FBXL4: variants seen among roughly 807,000 people sequenced by gnomAD.
FBXL4 encodes F-box/LRR-repeat protein 4.
Under a neutral mutation model 58.9 loss-of-function variants are expected in FBXL4, and 40 were observed. The observed-to-expected ratio is 0.68, with a 90% CI of 0.53 to 0.88. FBXL4 has a LOEUF of 0.88. Ranked by LOEUF, FBXL4 falls within the 40% of genes least tolerant of loss-of-function variation. The pLI, the probability that FBXL4 is intolerant of heterozygous loss-of-function variation, is 0.00. For synonymous variants in FBXL4, 263 were observed against 265.5 expected (o/e 0.99, Z 0.09); for missense variants, 676 against 734.4 (o/e 0.92, Z 0.92).
intron 4 of FBXL4, among the ~76,000 whole-genome samples, chr6:98,918,970 T>C (rs953435004): frequency 1.3e-5 from 2 of 152,030 alleles, no homozygotes; most frequent in South Asian, 2.1e-4. Context: ...CACCAATAAA[T>C]TGTTCGTTTA....
At chr6:98,915,113 G>A (rs1772282917) in intron 5 of FBXL4, among the ~76,000 whole-genome samples, 1 of 152,148 alleles carries the variant, frequency 6.6e-6, no homozygotes, top group African/African-American at 2.4e-5. Flanking sequence ...AACTTACAAG[G>A]GACGTGAAGG....
chr6:98,947,051 T>C (rs904409384), intron 1 of FBXL4, among the ~76,000 whole-genome samples: 1 of 152,242 alleles, frequency 6.6e-6, no homozygotes, highest in Admixed American at 6.5e-5. Context: ...GGTGGTAATG[T>C]GCCCTCCGGA....
chr6:98,937,483 G>A (rs192839619), intron 1 of FBXL4, among the ~76,000 whole-genome samples: 1 of 152,256 alleles, frequency 6.6e-6, no homozygotes, highest in Non-Finnish European at 1.5e-5. Flanking sequence ...ATAAGGAAGA[G>A]AAAATATATT....
At chr6:98,930,386 A>G (rs967424183) in intron 2 of FBXL4, among the ~76,000 whole-genome samples, 4 of 152,324 alleles carry the variant, frequency 2.6e-5, no homozygotes, top group Non-Finnish European at 4.4e-5. Flanking sequence ...GCACCACTGC[A>G]CTCCAGCCTG....
intron 2 of FBXL4, among the ~76,000 whole-genome samples, chr6:98,929,090 G>C (rs1186038871): frequency 6.6e-6 from 1 of 152,164 alleles, no homozygotes; most frequent in African/African-American, 2.4e-5. Flanking sequence ...TTGACATGTT[G>C]ATAGGTGATG....
In FBXL4 at chr6:98,911,013, A is replaced by G. The variant is rs1005865705; in HGVS notation, c.859-5343T>C. Among the ~76,000 whole-genome samples, 4 of 152,276 alleles carry G rather than the reference A, an allele frequency of 2.6e-5. No homozygotes were observed. The East Asian group carries it at 5.8e-4, about 22-fold the overall frequency. On this transcript the variant is annotated intron_variant, in intron 5 of 9. Transcript: ENST00000369244. ...TTCCGAAGGCCTTAGGAAACGGCGCACCAGGAGATTATATCCCGCACCTGG... is the reference window on the plus strand; with the variant it reads ...TTCCGAAGGCCTTAGGAAACGGCGCGCCAGGAGATTATATCCCGCACCTGG...
intron 8 of FBXL4, among the ~76,000 whole-genome samples, chr6:98,877,920 T>C (rs1379890548): frequency 1.3e-5 from 2 of 152,212 alleles, no homozygotes; most frequent in African/African-American, 4.8e-5. Context: ...TATTTCTAAG[T>C]AGTCCTAAAA....
intron 1 of FBXL4, among the ~76,000 whole-genome samples, chr6:98,940,629 G>A (rs1422057795): frequency 6.6e-6 from 1 of 150,732 alleles, no homozygotes; most frequent in Non-Finnish European, 1.5e-5. Flanking sequence ...TCTTTTTTTT[G>A]TTGTTGTTTC....
At chr6:98,923,828 AT>A (rs943195582) in intron 4 of FBXL4, among the ~76,000 whole-genome samples, 1 of 151,948 alleles carries the variant, frequency 6.6e-6, no homozygotes, top group African/African-American at 2.4e-5. Flanking sequence ...AGAATTACAG[AT>A]TTTTTTCATA....
intron 9 of FBXL4, 142 bp downstream of exon 9, chr6:98,875,273 T>A: frequency 1.4e-6 from 1 of 724,676 alleles, no homozygotes; most frequent in South Asian, 1.5e-5. Flanking sequence ...CTATCTTGCA[T>A]TTCCTATCAA....
intron 2 of FBXL4, among the ~76,000 whole-genome samples, chr6:98,933,059 T>C (rs747726452): frequency 6.6e-6 from 1 of 152,186 alleles, no homozygotes; most frequent in Non-Finnish European, 1.5e-5. Flanking sequence ...CAAGACATAC[T>C]ATTCTGAGGA....
intron 4 of FBXL4, among the ~76,000 whole-genome samples, chr6:98,919,359 C>T (rs1410745287): frequency 6.6e-6 from 1 of 152,160 alleles, no homozygotes; most frequent in Non-Finnish European, 1.5e-5. Flanking sequence ...TTTGCTGATT[C>T]TCTCCTGAAA....
At chr6:98,942,529 C>T (rs768773511) in intron 1 of FBXL4, among the ~76,000 whole-genome samples, 4 of 151,958 alleles carry the variant, frequency 2.6e-5, no homozygotes, top group Non-Finnish European at 4.4e-5. Context: ...AAGCATATAG[C>T]GCATCCCCCA....
At chr6:98,883,855 C>T (rs1418428731) in intron 7 of FBXL4, among the ~76,000 whole-genome samples, 4 of 151,430 alleles carry the variant, frequency 2.6e-5, no homozygotes, top group African/African-American at 9.7e-5. Context: ...TCAAACATCT[C>T]TTAGCTGCTG....
chr6:98,876,599 T>C, intron 8 of FBXL4, among the ~76,000 whole-genome samples: 1 of 152,150 alleles, frequency 6.6e-6, no homozygotes, highest in Non-Finnish European at 1.5e-5. Context: ...GGAGACACTG[T>C]CCATATTTTT....
intron 7 of FBXL4, chr6:98,898,510 C>A (rs1439124022): frequency 1.1e-6 from 1 of 918,226 alleles, no homozygotes; most frequent in Admixed American, 6.2e-5. Context: ...GAGGCTGAGG[C>A]AGGAGAATCG....
intron 1 of FBXL4, among the ~76,000 whole-genome samples, chr6:98,940,626 T>G (rs182323687): frequency 1.1e-3 from 161 of 152,304 alleles, no homozygotes; most frequent in Middle Eastern, 0.01. Flanking sequence ...TAATCTTTTT[T>G]TTGTTGTTGT....
chr6:98,900,015 T>C (rs1771547920), intron 6 of FBXL4, among the ~76,000 whole-genome samples: 1 of 152,224 alleles, frequency 6.6e-6, no homozygotes, highest in Non-Finnish European at 1.5e-5. Flanking sequence ...TTATGGTACT[T>C]GCAGCTGTTA....
At chr6:98,913,316 T>A (rs1044155021) in intron 5 of FBXL4, among the ~76,000 whole-genome samples, 5 of 152,030 alleles carry the variant, frequency 3.3e-5, no homozygotes, top group African/African-American at 9.7e-5. Context: ...CAGCTCGGCA[T>A]CAAGCGGACC....
Sources: allele counts gnomAD v4.1 joint callset (sites outside exome capture counted in the v4.1 genomes callset), GRCh38; gene constraint gnomAD v4.1.1; transcripts MANE v1.5; gene names NCBI Gene and HGNC (gene_info 2026-07-23, HGNC 2026-07-21).